TEAD4: variants seen among roughly 807,000 people sequenced by gnomAD.
TEAD4 encodes the protein transcriptional enhancer factor TEF-3.
In TEAD4, 36 loss-of-function variants were observed where a neutral mutation model predicts 52.4. The ratio of observed to expected loss-of-function variants is 0.69; its 90% confidence interval spans 0.53 to 0.91. The LOEUF is 0.91. TEAD4 is among the 40% of genes least tolerant of loss of function. TEAD4 has a pLI of 0.00. For synonymous variants in TEAD4, 220 were observed against 231.0 expected (o/e 0.95, Z 0.43); for missense variants, 508 against 583.9 (o/e 0.87, Z 1.34).
At chr12:2,991,239 TA>T (rs1004924831) in intron 2 of TEAD4, among the ~76,000 whole-genome samples, 1 of 152,084 alleles carries the variant, frequency 6.6e-6, no homozygotes, top group Admixed American at 6.6e-5. Flanking sequence ...TGATGAAAAA[TA>T]AAAAACCAGC....
At chr12:2,997,737 A>G (rs1168084818) in intron 3 of TEAD4, among the ~76,000 whole-genome samples, 1 of 149,328 alleles carries the variant, frequency 6.7e-6, no homozygotes. Context: ...GCTAGAATGC[A>G]CTAAATCAAC....
At chr12:2,963,800 T>C (rs2098217865) in intron 2 of TEAD4, among the ~76,000 whole-genome samples, 1 of 152,182 alleles carries the variant, frequency 6.6e-6, no homozygotes, top group Non-Finnish European at 1.5e-5. Flanking sequence ...CACGTCCTCC[T>C]GCATTTAATA....
chr12:2,965,653 T>A (rs1033937278), intron 2 of TEAD4, among the ~76,000 whole-genome samples: 1 of 151,866 alleles, frequency 6.6e-6, no homozygotes. Context: ...CCGGGTTCAC[T>A]CCATTCTCCT....
At chr12:2,980,321 T>C (rs1012638308) in intron 2 of TEAD4, among the ~76,000 whole-genome samples, 17 of 152,142 alleles carry the variant, frequency 1.1e-4, no homozygotes, top group African/African-American at 3.9e-4. Context: ...AGAGATGAAC[T>C]TCTCTAGCTC....
At chr12:2,999,444 G>A (rs528998731) in intron 3 of TEAD4, among the ~76,000 whole-genome samples, 4 of 152,264 alleles carry the variant, frequency 2.6e-5, no homozygotes, top group East Asian at 1.9e-4. Flanking sequence ...TCCGAGCTCC[G>A]CCCACGGAAC....
chr12:2,972,454 C>T (rs10128925), intron 2 of TEAD4, among the ~76,000 whole-genome samples: 25,845 of 134,096 alleles, frequency 0.19, 3,560 homozygotes, highest in African/African-American at 0.41. Context: ...ATTTTACGTT[C>T]ATTTTTTACG....
intron 3 of TEAD4, among the ~76,000 whole-genome samples, chr12:3,002,071 G>A (rs933187036): frequency 6.6e-6 from 1 of 152,194 alleles, no homozygotes; most frequent in African/African-American, 2.4e-5. Flanking sequence ...CATCCTGGAT[G>A]ACAGAGTGAG....
chr12:3,000,922 G>A (rs944211877), intron 3 of TEAD4, among the ~76,000 whole-genome samples: 2 of 152,202 alleles, frequency 1.3e-5, no homozygotes, highest in African/African-American at 2.4e-5. Context: ...CAGAGGTCAC[G>A]GAGTTTCACC....
intron 2 of TEAD4, among the ~76,000 whole-genome samples, chr12:2,971,803 T>C (rs2098225304): frequency 6.9e-6 from 1 of 144,380 alleles, no homozygotes; most frequent in Admixed American, 7.1e-5. Flanking sequence ...TCCTTTTTTT[T>C]TTCTTTCTTT....
chr12:3,016,929 C>G, intron 5 of TEAD4: 1 of 356,292 alleles, frequency 2.8e-6, no homozygotes, highest in Non-Finnish European at 5.6e-6. Context: ...CAGGGAGATC[C>G]TTAGGGCAGG....
intron 3 of TEAD4, among the ~76,000 whole-genome samples, chr12:3,008,902 C>T (rs1404880406): frequency 1.3e-5 from 2 of 152,182 alleles, no homozygotes; most frequent in African/African-American, 2.4e-5. Flanking sequence ...CCTGCTACAC[C>T]GTCACCCACT....
intron 11 of TEAD4, among the ~76,000 whole-genome samples, chr12:3,038,335 C>T (rs1288735855): frequency 2.0e-5 from 3 of 152,220 alleles, no homozygotes; most frequent in African/African-American, 7.2e-5. Flanking sequence ...CTTCCAAGCA[C>T]GTCCTTGCAG....
intron 2 of TEAD4, among the ~76,000 whole-genome samples, chr12:2,968,786 T>C (rs1565521615): frequency 6.6e-6 from 1 of 152,066 alleles, no homozygotes; most frequent in Non-Finnish European, 1.5e-5. Flanking sequence ...GTAGCTGGGA[T>C]GACAGGTTTG....
intron 3 of TEAD4, among the ~76,000 whole-genome samples, chr12:3,004,265 A>G (rs899982801): frequency 2.0e-5 from 3 of 152,204 alleles, no homozygotes; most frequent in Non-Finnish European, 4.4e-5. Context: ...TCGGGGGAGC[A>G]TATCCTGGGG....
chr12:2,976,884 A>G (rs542187821), intron 2 of TEAD4, among the ~76,000 whole-genome samples: 4 of 152,134 alleles, frequency 2.6e-5, no homozygotes, highest in African/African-American at 9.6e-5. Context: ...TTGCTCTCTG[A>G]GCTGCCCCTC....
At chr12:2,966,996 C>T (rs955535583) in intron 2 of TEAD4, among the ~76,000 whole-genome samples, 4 of 152,170 alleles carry the variant, frequency 2.6e-5, no homozygotes, top group African/African-American at 4.8e-5. Context: ...AGTGAACCAC[C>T]GCACCTGACC....
chr12:2,991,688 G>A (rs544399559), intron 2 of TEAD4, among the ~76,000 whole-genome samples: 56 of 151,936 alleles, frequency 3.7e-4, no homozygotes, highest in African/African-American at 1.3e-3. Flanking sequence ...AGTTTGTTTT[G>A]GAAGTATGGA....
At chr12:3,033,357 T>C (rs6489422) in intron 10 of TEAD4, among the ~76,000 whole-genome samples, 142,997 of 152,264 alleles carry the variant, frequency 0.94, 67,848 homozygotes, top group East Asian at 1. Flanking sequence ...CCACGGGGCC[T>C]GGAGCGAGGG....
chr12:2,969,426 C>T (rs188938432), intron 2 of TEAD4, among the ~76,000 whole-genome samples: 5 of 152,296 alleles, frequency 3.3e-5, no homozygotes, highest in Admixed American at 3.3e-4. Context: ...ACCGATCACC[C>T]ACAGATACCA....
Sources: allele counts gnomAD v4.1 joint callset (sites outside exome capture counted in the v4.1 genomes callset), GRCh38; gene constraint gnomAD v4.1.1; transcripts MANE v1.5; gene names NCBI Gene and HGNC (gene_info 2026-07-23, HGNC 2026-07-21).